PCDHGA7: variants seen among roughly 807,000 people sequenced by gnomAD.
The protein encoded by PCDHGA7 is protocadherin gamma subfamily A, 7.
A neutral mutation model predicts 58.3 loss-of-function variants in PCDHGA7; 44 were observed. The observed-to-expected ratio is 0.75, with a 90% CI of 0.59 to 0.97. The LOEUF (loss-of-function observed/expected upper bound fraction) is 0.97. Among genes scored for constraint, PCDHGA7 ranks in the 50% least tolerant of loss-of-function variants. PCDHGA7 has a pLI of 0.00. For missense variants in PCDHGA7, 1,266 were observed against 1,188.7 expected (o/e 1.06, Z -0.96); for synonymous variants, 516 against 504.2 (o/e 1.02, Z -0.31).
At chr5:141,449,080 A>G (rs2098627421) in intron 1 of PCDHGA7, among the ~76,000 whole-genome samples, 1 of 152,198 alleles carries the variant, frequency 6.6e-6, no homozygotes, top group Non-Finnish European at 1.5e-5. Context: ...CCCTGTACCT[A>G]CATCAGTTTT....
chr5:141,394,616 C>A, intron 1 of PCDHGA7: 1 of 1,613,490 alleles, frequency 6.2e-7, no homozygotes, highest in African/African-American at 1.3e-5. Flanking sequence ...CGGGCCAGAA[C>A]GCCTGGCTGT....
At chr5:141,503,023 A>T (rs1163676028) in intron 2 of PCDHGA7, among the ~76,000 whole-genome samples, 1 of 141,884 alleles carries the variant, frequency 7.0e-6, no homozygotes, top group African/African-American at 2.6e-5. Context: ...TTTTTTTTTT[A>T]ATATCTATTT....
Position 141,431,724 on chromosome 5 carries a change from T to C in PCDHGA7, c.2424+46401T>C, listed in dbSNP as rs758754345. The C allele has an allele frequency of 6.2e-7, 1 of 1,614,036 alleles. No individual in the cohort carries two copies. Among genetic ancestry groups the C allele is most frequent in the Non-Finnish European group, 8.5e-7 (1 of 1,180,036 alleles). On this transcript the variant is annotated intron_variant, in intron 1 of 3. Coordinates refer to ENST00000518325, the MANE Select transcript of PCDHGA7 (RefSeq NM_018920.4). This position sits in a 1 kb window ranked among gnomAD's most constrained non-coding sequence, Gnocchi z 4.8. The stretch of plus-strand genomic sequence containing the variant: ...TTCTACCAGATGGAAGTGCAAGCAA[T>C]GGATAATGCAGGATATTCTGCGCGA...
At chr5:141,494,763 C>T in intron 1 of PCDHGA7, 44 bp from the exon 2 acceptor site, 4 of 1,613,926 alleles carry the variant, frequency 2.5e-6, no homozygotes, top group Admixed American at 1.7e-5. Context: ...GACATTCTAA[C>T]TTCTCACGGG....
intron 1 of PCDHGA7, among the ~76,000 whole-genome samples, chr5:141,488,463 C>T (rs926068842): frequency 6.6e-6 from 1 of 152,164 alleles, no homozygotes; most frequent in African/African-American, 2.4e-5. Flanking sequence ...GATTCAGCCC[C>T]AGAAATGTTC....
chr5:141,427,320 G>A (rs920149276), intron 1 of PCDHGA7: 5 of 456,968 alleles, frequency 1.1e-5, no homozygotes, highest in Non-Finnish European at 1.8e-5. Context: ...CCCAGACGTG[G>A]TTTTTACTTC....
chr5:141,434,209 A>G (rs946478332), intron 1 of PCDHGA7, among the ~76,000 whole-genome samples: 17 of 152,216 alleles, frequency 1.1e-4, no homozygotes, highest in African/African-American at 4.1e-4. Flanking sequence ...TACTTCTGTC[A>G]GTGTAAACAA....
At chr5:141,448,488 C>A (rs568050769) in intron 1 of PCDHGA7, among the ~76,000 whole-genome samples, 1 of 152,280 alleles carries the variant, frequency 6.6e-6, no homozygotes, top group African/African-American at 2.4e-5. Context: ...TTCCTCCTGT[C>A]CCCTGTAGGT....
At chr5:141,484,621 T>C (rs2099598239) in intron 1 of PCDHGA7, among the ~76,000 whole-genome samples, 1 of 152,058 alleles carries the variant, frequency 6.6e-6, no homozygotes, top group Admixed American at 6.6e-5. Flanking sequence ...CAACACTGGC[T>C]TGAACAAAGT....
rs201409669 is a variant in PCDHGA7 at position 141,490,703 on chromosome 5, G to A, written c.2425-4104G>A. The stretch of plus-strand genomic sequence containing the variant: ...GATCCAGACACTGGGGATAATGCCC[G>A]CCTCACCTACTCCATTGTAGGAAAT... On this transcript the variant is annotated intron_variant, in intron 1 of 3. Coordinates refer to ENST00000518325, the MANE Select transcript of PCDHGA7 (RefSeq NM_018920.4). This position sits in a 1 kb window ranked among gnomAD's most constrained non-coding sequence, Gnocchi z 5.4. 2.6e-4 allele frequency: 421 copies of A among 1,614,106 alleles called. No homozygotes were observed. Among genetic ancestry groups the A allele is most frequent in the Middle Eastern group, 6.6e-4 (4 of 6,062 alleles).
At position 141,384,651 on chromosome 5, in the gene PCDHGA7, C is replaced by G. The variant is rs138410124; in HGVS notation, c.1752C>G (p.Pro584=). The G allele has an allele frequency of 1.2e-6, 2 of 1,614,076 alleles. No homozygotes were observed. The highest frequency in any genetic ancestry group is 1.7e-6 in the Non-Finnish European group (2 of 1,180,034). ...AGCTGGCACCCCGCTCCGCAGAGCC[C>G]GGCTACCTGGTGACCAAGGTGGTGG... The part of the protein sequence containing the change: ...GMELAPRSAE[P]GYLVTKVVAV... The change falls in exon 1 of 4, where the codon CCC becomes CCG. Residue 584 remains proline (P), a synonymous_variant. Transcript: ENST00000518325.
rs764742899 is a variant in PCDHGA7, at chr5:141,487,062, C to T, written c.2425-7745C>T. On this transcript the variant is annotated intron_variant, in intron 1 of 3. Transcript: ENST00000518325. This position sits in a 1 kb window ranked among gnomAD's most constrained non-coding sequence, Gnocchi z 5.0. Reference sequence around the variant, plus strand: ...TCTCGATATGCTGGGGAGGTGCGGACGGCTGTTCCTATCCCAGCTGACCTC... The same window carrying T: ...TCTCGATATGCTGGGGAGGTGCGGATGGCTGTTCCTATCCCAGCTGACCTC... 2.8e-5 allele frequency: 45 copies of T among 1,613,980 alleles called. No homozygotes were observed. Among genetic ancestry groups the T allele is most frequent in the East Asian group, 1.3e-4 (6 of 44,874 alleles).
Position 141,491,844 on chromosome 5 carries a change from G to A in PCDHGA7, c.2425-2963G>A. On this transcript the variant is annotated intron_variant, in intron 1 of 3. Transcript: ENST00000518325. The surrounding 1 kb of genome is among the most constrained non-coding windows in gnomAD (Gnocchi z 6.9). ...GCTCCACCCGATTCTCGGGATCATT[G>A]GACCGTTTGCGCGAAACCAGAGTGG... 1 of 1,464,184 alleles carries A rather than the reference G, an allele frequency of 6.8e-7. No homozygotes were observed. 90.7% of individuals were successfully genotyped at this position (1,464,184 alleles called of 1,614,324 possible).
chr5:141,382,978 T>C lies in PCDHGA7; in HGVS notation c.79T>C (p.Trp27Arg). The C allele has an allele frequency of 6.2e-7, 1 of 1,610,702 alleles. No individual in the cohort carries two copies. Among genetic ancestry groups the C allele is most frequent in the Non-Finnish European group, 8.5e-7 (1 of 1,177,540 alleles). ...SILLGTPWEA[W>R]AGRILYSVSE... ...CCTCCTGGGGACCCCCTGGGAAGCC[T>C]GGGCAGGACGTATTCTCTACTCCGT... Residue 27 changes from tryptophan to arginine, a missense_variant, in exon 1 of 4, where the codon TGG becomes CGG. Physicochemically the swap from Trp to Arg is moderately radical, Grantham distance 101. Transcript: ENST00000518325.
chr5:141,485,441 A>T lies in PCDHGA7; in HGVS notation c.2425-9366A>T. On this transcript the variant is annotated intron_variant, in intron 1 of 3. Coordinates refer to ENST00000518325, the MANE Select transcript of PCDHGA7 (RefSeq NM_018920.4). The surrounding 1 kb of genome is among the most constrained non-coding windows in gnomAD (Gnocchi z 5.7). ...CGGAGCCCTGCTCATCAAGAACCCA[A>T]TCGACCGAGAGGCACTGTGTGGGCT... is the stretch of plus-strand genomic sequence containing the variant. The T allele has an allele frequency of 6.2e-7, 1 of 1,613,910 alleles. No homozygotes were observed. The highest frequency in any genetic ancestry group is 1.1e-5 in the South Asian group (1 of 91,062).
In PCDHGA7 at chr5:141,476,331, C is replaced by T; in HGVS notation, c.2425-18476C>T. On this transcript the variant is annotated intron_variant, in intron 1 of 3. Transcript: ENST00000518325. This position sits in a 1 kb window ranked among gnomAD's most constrained non-coding sequence, Gnocchi z 7.6. Reference sequence around the variant, plus strand: ...CGCAGGTTCCGGGTGGTGTCTGGAGCTAGCCGAAGATTCTTTGAGGTGAAC... The same window carrying T: ...CGCAGGTTCCGGGTGGTGTCTGGAGTTAGCCGAAGATTCTTTGAGGTGAAC... 1.2e-6 allele frequency: 2 copies of T among 1,614,156 alleles called. No individual in the cohort carries two copies. Among genetic ancestry groups the T allele is most frequent in the Non-Finnish European group, 1.7e-6 (2 of 1,180,042 alleles).
At chr5:141,415,828 G>A (rs1178303711) in intron 1 of PCDHGA7, 4 of 1,293,274 alleles carry the variant, frequency 3.1e-6, no homozygotes, top group Non-Finnish European at 3.0e-6. Flanking sequence ...ATAAGGCTTT[G>A]TTATGATTAG....
At chr5:141,417,646 C>A in intron 1 of PCDHGA7, 2 of 797,870 alleles carry the variant, frequency 2.5e-6, no homozygotes, top group Non-Finnish European at 3.8e-6. Context: ...GATCCCTCAG[C>A]CTCTAGCCTG....
In PCDHGA7 at chr5:141,503,993, C is replaced by T. The variant is rs376134059; in HGVS notation, c.2484-1400C>T. Reference sequence around the variant, plus strand: ...GTGCCAAACCCTTCTTCTTACCTTACAGTCACTTAACTGTCTCTGCTGGTC... The same window carrying T: ...GTGCCAAACCCTTCTTCTTACCTTATAGTCACTTAACTGTCTCTGCTGGTC... On this transcript the variant is annotated intron_variant, in intron 2 of 3. Transcript: ENST00000518325. Among the ~76,000 whole-genome samples, 13 of 152,312 alleles carry T rather than the reference C, an allele frequency of 8.5e-5. 1 individual carries two copies. In the East Asian group the frequency reaches 1.7e-3, roughly 20 times the overall value.
Sources: gnomAD v4.1 joint callset for allele counts (sites outside exome capture counted in the v4.1 genomes callset) on GRCh38, gnomAD v4.1.1 for gene constraint, Gnocchi (gnomAD v3.1) non-coding constraint, MANE v1.5 for transcripts, NCBI Gene and HGNC (gene_info 2026-07-23, HGNC 2026-07-21) for gene names.